The following PTPRJ variants were observed in gnomAD, a reference collection of about 807,000 sequenced individuals.
PTPRJ encodes the protein protein tyrosine phosphatase receptor type J, also known as receptor-type tyrosine-protein phosphatase eta.
Under a neutral mutation model 141.3 loss-of-function variants are expected in PTPRJ, and 129 were observed. That is an observed-to-expected ratio of 0.91 (90% CI 0.79 to 1.06). PTPRJ has a LOEUF of 1.06. Among genes scored for constraint, PTPRJ ranks in the 50% least tolerant of loss-of-function variants. The pLI is 0.00. For synonymous variants in PTPRJ, 610 were observed against 640.5 expected (o/e 0.95, Z 0.72); for missense variants, 1,601 against 1,679.7 (o/e 0.95, Z 0.82).
intron 4 of PTPRJ, among the ~76,000 whole-genome samples, chr11:48,123,388 C>T (rs77798087): frequency 0.02 from 3,031 of 152,098 alleles, 102 homozygotes; most frequent in African/African-American, 0.069. Context: ...TCTTCTCTTC[C>T]GTGTTATTAT....
chr11:48,126,991 C>G (rs1453951725), intron 6 of PTPRJ, among the ~76,000 whole-genome samples: 1 of 152,148 alleles, frequency 6.6e-6, no homozygotes, highest in African/African-American at 2.4e-5. Context: ...TTTCTGGAGC[C>G]CAGTGAGAGC....
chr11:48,132,542 G>T, intron 8 of PTPRJ: 4 of 981,140 alleles, frequency 4.1e-6, no homozygotes, highest in Non-Finnish European at 4.8e-6. Context: ...TAAGATTCAA[G>T]ATAGTTGAAA....
At chr11:48,153,091 A>G (rs1434362628) in intron 18 of PTPRJ, among the ~76,000 whole-genome samples, 2 of 152,206 alleles carry the variant, frequency 1.3e-5, no homozygotes, top group African/African-American at 4.8e-5. Flanking sequence ...CAGAAAGCCA[A>G]TCACTGAGAT....
intron 12 of PTPRJ, among the ~76,000 whole-genome samples, chr11:48,143,536 A>C (rs926410685): frequency 6.6e-6 from 1 of 152,202 alleles, no homozygotes; most frequent in African/African-American, 2.4e-5. Flanking sequence ...TGCCATCCTC[A>C]GAGGATGACT....
intron 1 of PTPRJ, among the ~76,000 whole-genome samples, chr11:48,092,294 C>CAAAAAAA (rs3971621): frequency 2.7e-3 from 127 of 46,854 alleles, no homozygotes; most frequent in Middle Eastern, 0.025. Flanking sequence ...GATTTCATCT[C>CAAAAAAA]AAAAAAAAAA....
chr11:48,003,459 T>C (rs1214445362), intron 1 of PTPRJ, among the ~76,000 whole-genome samples: 1 of 152,004 alleles, frequency 6.6e-6, no homozygotes, highest in African/African-American at 2.4e-5. Context: ...GTCCCAGCAC[T>C]GGGTATTATC....
chr11:48,149,348 C>T, intron 15 of PTPRJ, 99 bp from the exon 16 acceptor site: 1 of 818,748 alleles, frequency 1.2e-6, no homozygotes, highest in Non-Finnish European at 2.0e-6. Context: ...AAAGGTGTAA[C>T]ACCTTTATTT....
intron 1 of PTPRJ, among the ~76,000 whole-genome samples, chr11:48,093,670 T>C (rs954995907): frequency 7.2e-5 from 11 of 152,156 alleles, no homozygotes; most frequent in African/African-American, 2.4e-4. Context: ...TGATACTCTA[T>C]AATAAGCAAA....
chr11:48,138,905 T>C (rs1157814565), intron 10 of PTPRJ, among the ~76,000 whole-genome samples: 2 of 152,076 alleles, frequency 1.3e-5, no homozygotes, highest in African/African-American at 2.4e-5. Flanking sequence ...GAGGCCAAGG[T>C]GGGTGGATCA....
intron 1 of PTPRJ, among the ~76,000 whole-genome samples, chr11:48,007,416 TTTC>T (rs1255115821): frequency 6.6e-6 from 1 of 151,356 alleles, no homozygotes; most frequent in African/African-American, 2.4e-5. Flanking sequence ...GCCAGGCCTT[TTTC>T]TTTTCTTTTT....
intron 8 of PTPRJ, among the ~76,000 whole-genome samples, chr11:48,134,855 G>T (rs1035941194): frequency 6.6e-6 from 1 of 152,218 alleles, no homozygotes; most frequent in African/African-American, 2.4e-5. Flanking sequence ...CTCTGAAGGT[G>T]CAGGGTGTGC....
chr11:48,170,078 G>A lies in PTPRJ; in HGVS notation c.*2716G>A, dbSNP rs986324186. 1 of 152,156 alleles carries A rather than the reference G, an allele frequency of 6.6e-6. No homozygotes were observed. 9.4% of individuals were successfully genotyped at this position (152,156 alleles called of 1,614,324 possible). On this transcript the variant is annotated 3_prime_UTR_variant, in exon 25 of 25. Coordinates refer to ENST00000418331, the MANE Select transcript of PTPRJ (RefSeq NM_002843.4). ...CTTCAACCCCTCCCAGGAACAATGAGCTCAAATTGGAAGAGTCCAGTGGAA... is the reference window on the plus strand; with the variant it reads ...CTTCAACCCCTCCCAGGAACAATGAACTCAAATTGGAAGAGTCCAGTGGAA...
intron 22 of PTPRJ, among the ~76,000 whole-genome samples, chr11:48,161,911 C>A (rs1857791536): frequency 6.6e-6 from 1 of 152,154 alleles, no homozygotes; most frequent in Non-Finnish European, 1.5e-5. Context: ...CTGTGCCCGG[C>A]CTGTCATGCT....
At position 48,163,465 on chromosome 11, in the gene PTPRJ, C is replaced by A. The variant is rs953541898; in HGVS notation, c.3566C>A (p.Thr1189Lys). The A allele has an allele frequency of 6.8e-6, 11 of 1,613,978 alleles. No individual in the cohort carries two copies. The highest frequency in any genetic ancestry group is 9.3e-6 in the Non-Finnish European group (11 of 1,179,908). The change falls in exon 23 of 25, where the codon ACA (threonine) becomes AAA (lysine). Residue 1189 changes from threonine (T) to lysine (K), a missense_variant. Coordinates refer to ENST00000418331, the MANE Select transcript of PTPRJ (RefSeq NM_002843.4). ...IRDFTVKNIQ[T>K]SESHPLRQFH... ...CATTTTCTGGGCTTTTAGATCCAGA[C>A]AAGTGAGAGTCACCCTCTGAGACAG...
At chr11:48,103,463 A>G (rs1856204796) in intron 1 of PTPRJ, among the ~76,000 whole-genome samples, 1 of 152,232 alleles carries the variant, frequency 6.6e-6, no homozygotes, top group Non-Finnish European at 1.5e-5. Flanking sequence ...TGTCTCAAAA[A>G]AACAAAAAAC....
chr11:48,056,913 T>C (rs2134254948), intron 1 of PTPRJ, among the ~76,000 whole-genome samples: 1 of 152,322 alleles, frequency 6.6e-6, no homozygotes, highest in East Asian at 1.9e-4. Flanking sequence ...GAGATTGTGC[T>C]ATAGCACTCC....
At chr11:48,037,123 C>T (rs1030011117) in intron 1 of PTPRJ, among the ~76,000 whole-genome samples, 5 of 152,188 alleles carry the variant, frequency 3.3e-5, no homozygotes, top group Non-Finnish European at 7.3e-5. Context: ...TAACTTAATC[C>T]ACCCGATTCA....
intron 18 of PTPRJ, among the ~76,000 whole-genome samples, chr11:48,150,460 A>G (rs896812310): frequency 6.6e-6 from 1 of 152,216 alleles, no homozygotes; most frequent in Non-Finnish European, 1.5e-5. Context: ...CCTTTGCGTC[A>G]TACTGTCCTG....
chr11:48,151,604 C>G (rs865993340), intron 18 of PTPRJ, among the ~76,000 whole-genome samples: 4 of 128,546 alleles, frequency 3.1e-5, no homozygotes, highest in South Asian at 6.4e-4. Context: ...TCCCTCCCCC[C>G]ACCCCATGAC....
Sources: gnomAD v4.1 joint callset for allele counts (sites outside exome capture counted in the v4.1 genomes callset) on GRCh38, gnomAD v4.1.1 for gene constraint, MANE v1.5 for transcripts, NCBI Gene and HGNC (gene_info 2026-07-23, HGNC 2026-07-21) for gene names.